The following RABEP2 variants were observed in gnomAD, a reference collection of about 807,000 sequenced individuals.
RABEP2 encodes rabaptin, RAB GTPase binding effector protein 2.
RABEP2 carries 57 observed loss-of-function variants against 74.1 expected under a neutral mutation model. The observed-to-expected ratio is 0.77, with a 90% CI of 0.62 to 0.96. The LOEUF (loss-of-function observed/expected upper bound fraction) is 0.96. Ranked by LOEUF, RABEP2 falls within the 40% of genes least tolerant of loss-of-function variation. The pLI, the probability that RABEP2 is intolerant of heterozygous loss-of-function variation, is 0.00. For synonymous variants in RABEP2, 351 were observed against 344.0 expected (o/e 1.02, Z -0.23); for missense variants, 692 against 756.3 (o/e 0.91, Z 1.00).
In RABEP2 at chr16:28,908,763, G is replaced by A. The variant is rs758753461; in HGVS notation, c.1091C>T (p.Ala364Val). Residue 364 changes from alanine (A) to valine (V), a missense_variant and splice_region_variant, in exon 8 of 13, where the codon GCG (alanine) becomes GTG (valine). Ala to Val is a moderately conservative substitution (Grantham distance 64). Transcript: ENST00000358201. ...QAQERVQLQM[A>V]ELVTTHKCLH... ...GCACTTGTGGGTGGTGACCAGCTCCGCCTATGGACAGACAGTTAGTATAAG... is the reference window on the plus strand; with the variant it reads ...GCACTTGTGGGTGGTGACCAGCTCCACCTATGGACAGACAGTTAGTATAAG... The A allele has an allele frequency of 8.1e-6, 13 of 1,613,764 alleles. No individual in the cohort carries two copies. Among genetic ancestry groups the A allele is most frequent in the South Asian group, 3.3e-5 (3 of 91,024 alleles).
chr16:28,906,869 G>A (rs986739680), intron 8 of RABEP2, among the ~76,000 whole-genome samples: 8 of 152,188 alleles, frequency 5.3e-5, no homozygotes, highest in Non-Finnish European at 7.3e-5. Flanking sequence ...TGAGGCAGGA[G>A]AATTGCTTGA....
chr16:28,911,044 C>T (rs1396443469), intron 6 of RABEP2, 40 bp downstream of exon 6: 7 of 1,610,532 alleles, frequency 4.3e-6, no homozygotes, highest in Non-Finnish European at 5.9e-6. Flanking sequence ...CGGCAGGTAG[C>T]CAGAGGCCGG....
intron 5 of RABEP2, among the ~76,000 whole-genome samples, chr16:28,911,638 A>T (rs1482327134): frequency 1.4e-5 from 2 of 142,768 alleles, no homozygotes; most frequent in East Asian, 4.4e-4. Context: ...CGTGAGTGAG[A>T]TTCCGTCTCA....
In RABEP2 at chr16:28,904,883, A is replaced by G. The variant is rs1964198170; in HGVS notation, c.*60T>C. 2 of 1,304,768 alleles carry G rather than the reference A, an allele frequency of 1.5e-6. No individual in the cohort carries two copies. The highest frequency in any genetic ancestry group is 1.1e-6 in the Non-Finnish European group (1 of 918,760). 80.8% of individuals were successfully genotyped at this position (1,304,768 alleles called of 1,614,324 possible). ...ATCCAAGACCCCAGAGCGAGGCCTCATGGTTCAGGAGTGGGGAAAGGCGTC... is the reference window on the plus strand; with the variant it reads ...ATCCAAGACCCCAGAGCGAGGCCTCGTGGTTCAGGAGTGGGGAAAGGCGTC... On this transcript the variant is annotated 3_prime_UTR_variant, in exon 13 of 13. Transcript: ENST00000358201.
intron 1 of RABEP2, 27 bp downstream of exon 1, chr16:28,925,076 C>T (rs1237164543): frequency 1.3e-6 from 2 of 1,551,620 alleles, no homozygotes; most frequent in East Asian, 2.4e-5. Context: ...CACCGTTCCC[C>T]GCTTGCACGG....
chr16:28,921,114 T>A, intron 2 of RABEP2: 1 of 452,958 alleles, frequency 2.2e-6, no homozygotes, highest in Admixed American at 2.4e-5. Context: ...TCCTCCCGTC[T>A]CAGCCTCCCA....
rs375723636 is a variant in RABEP2 at position 28,911,131 on chromosome 16, C to T, written c.943G>A (p.Glu315Lys). The T allele has an allele frequency of 7.4e-6, 12 of 1,612,786 alleles. No homozygotes were observed. The highest frequency in any genetic ancestry group is 3.3e-5 in the Admixed American group (2 of 60,008). ...CTCCGTCTCAGGCCCTCTTGGAGCT[C>T]GTCCCGCTCGCGACTGACGCTCTCC... is the stretch of plus-strand genomic sequence containing the variant. ...DLESVSRERD[E>K]LQEGLRRSNE... The change falls in exon 6 of 13, where the codon GAG becomes AAG. Residue 315 changes from glutamate to lysine, a missense_variant. Glu to Lys is a moderately conservative substitution (Grantham distance 56, BLOSUM62 1). Coordinates refer to ENST00000358201, the MANE Select transcript of RABEP2 (RefSeq NM_024816.3).
At position 28,904,531 on chromosome 16, in the gene RABEP2, C is replaced by T; in HGVS notation, c.*412G>A. Reference sequence around the variant, plus strand: ...TGTGGACAAGCGTCTTAGTGTCATGCAGACCAGAAGGCAGCTGCCTGTCCC... The same window carrying T: ...TGTGGACAAGCGTCTTAGTGTCATGTAGACCAGAAGGCAGCTGCCTGTCCC... On this transcript the variant is annotated 3_prime_UTR_variant, in exon 13 of 13. Transcript: ENST00000358201. 6.9e-7 allele frequency: 1 copy of T among 1,453,220 alleles called. No homozygotes were observed. The highest frequency in any genetic ancestry group is 9.1e-7 in the Non-Finnish European group (1 of 1,094,858). 90.0% of individuals were successfully genotyped at this position (1,453,220 alleles called of 1,614,324 possible).
At chr16:28,924,808 T>A in intron 1 of RABEP2, 193 bp from the exon 2 acceptor site, 1 of 602,320 alleles carries the variant, frequency 1.7e-6, no homozygotes, top group East Asian at 3.7e-5. Context: ...ACACTCCATC[T>A]CTTCGCGGTG....
At chr16:28,922,029 T>C (rs1264128761) in intron 2 of RABEP2, among the ~76,000 whole-genome samples, 1 of 151,926 alleles carries the variant, frequency 6.6e-6, no homozygotes, top group Non-Finnish European at 1.5e-5. Flanking sequence ...TGGAGTGCAG[T>C]GGTGCAATCA....
chr16:28,921,951 C>T (rs896312098), intron 2 of RABEP2, among the ~76,000 whole-genome samples: 30 of 151,760 alleles, frequency 2.0e-4, no homozygotes, highest in African/African-American at 5.1e-4. Flanking sequence ...GGTGACTGAG[C>T]GGGACTCCGT....
chr16:28,910,667 C>T (rs1156758823), intron 7 of RABEP2: 1 of 517,924 alleles, frequency 1.9e-6, no homozygotes, highest in African/African-American at 1.9e-5. Flanking sequence ...CTGGGATTAG[C>T]TCAAGATCAA....
chr16:28,925,080 T>G, intron 1 of RABEP2, 23 bp downstream of exon 1: 1 of 1,549,840 alleles, frequency 6.5e-7, no homozygotes, highest in Non-Finnish European at 8.7e-7. Flanking sequence ...GTTCCCCGCT[T>G]GCACGGACGC....
At chr16:28,920,149 AC>A (rs1964451209) in intron 2 of RABEP2, among the ~76,000 whole-genome samples, 2 of 152,104 alleles carry the variant, frequency 1.3e-5, no homozygotes, top group African/African-American at 4.8e-5. Flanking sequence ...TGGGGACACT[AC>A]TGATCATCCT....
chr16:28,911,368 G>A (rs1367551876), intron 5 of RABEP2, among the ~76,000 whole-genome samples, 189 bp from the exon 6 acceptor site: 2 of 152,144 alleles, frequency 1.3e-5, no homozygotes, highest in Non-Finnish European at 2.9e-5. Flanking sequence ...CCTCCAAAGT[G>A]GATTCCACAG....
intron 5 of RABEP2, among the ~76,000 whole-genome samples, chr16:28,913,052 T>TC (rs1488914203): frequency 6.6e-6 from 1 of 152,070 alleles, no homozygotes; most frequent in Non-Finnish European, 1.5e-5. Flanking sequence ...AACTTCTGCC[T>TC]CCTGGGTTCA....
intron 1 of RABEP2, 132 bp downstream of exon 1, chr16:28,924,959 GGCTGTAGGCCCC>G (rs1964515000): frequency 9.7e-7 from 1 of 1,029,246 alleles, no homozygotes; most frequent in Admixed American, 2.0e-5. Flanking sequence ...TTTTGCCTGT[GGCTGTAGGCCCC>G]GCCCCCTTTC....
rs199677354 is a variant in RABEP2, at chr16:28,914,769, G to A, written c.446C>T (p.Ser149Leu). The A allele has an allele frequency of 1.4e-5, 23 of 1,613,816 alleles. No individual in the cohort carries two copies. The highest frequency in any genetic ancestry group is 3.3e-5 in the Admixed American group (2 of 59,984). ...CAGTACGATCTCCCGCAGCTTCTCC[G>A]AGTCCTCGTGGGCCTGGAGGGAGCG... ...EKQMEKAHED[S>L]EKLREIVLPM... Residue 149 changes from serine (S) to leucine (L), a missense_variant, in exon 4 of 13, where the codon TCG becomes TTG. Ser to Leu is a moderately radical substitution (Grantham distance 145, BLOSUM62 -2). Transcript: ENST00000358201.
rs1403402276 is a variant in RABEP2 at position 28,908,747 on chromosome 16, G to A, written c.1107C>T (p.Thr369=). Residue 369 remains threonine, a synonymous_variant, in exon 8 of 13, where the codon ACC becomes ACT. Transcript: ENST00000358201. The part of the protein sequence containing the change: ...VQLQMAELVT[T]HKCLHHEVKR... Reference sequence around the variant, plus strand: ...TTACCTCATGGTGCAGGCACTTGTGGGTGGTGACCAGCTCCGCCTATGGAC... The same window carrying A: ...TTACCTCATGGTGCAGGCACTTGTGAGTGGTGACCAGCTCCGCCTATGGAC... 1.2e-6 allele frequency: 2 copies of A among 1,614,136 alleles called. No homozygotes were observed. The highest frequency in any genetic ancestry group is 1.7e-5 in the Admixed American group (1 of 60,016).
Sources: gnomAD v4.1 joint callset for allele counts (sites outside exome capture counted in the v4.1 genomes callset) on GRCh38, gnomAD v4.1.1 for gene constraint, MANE v1.5 for transcripts, NCBI Gene and HGNC (gene_info 2026-07-23, HGNC 2026-07-21) for gene names.